The following TEX11 variants were observed in gnomAD, a reference collection of about 807,000 sequenced individuals.
TEX11 encodes testis expressed 11, also known as testis-expressed protein 11.
In TEX11, 7 loss-of-function variants were observed where a neutral mutation model predicts 84.4. The observed-to-expected ratio is 0.08, with a 90% CI of 0.05 to 0.16. TEX11 has a LOEUF of 0.16. Ranked by LOEUF, TEX11 falls within the 10% of genes least tolerant of loss-of-function variation. The probability of loss-of-function intolerance (pLI) is 1.00; values close to 1 mark genes in which losing one functional copy is unlikely to be tolerated. For synonymous variants in TEX11, 264 were observed against 222.8 expected, an observed-to-expected ratio of 1.18 and a Z score of -1.64; for missense variants, 551 against 660.5, an observed-to-expected ratio of 0.83 and a Z score of 1.82.
intron 9 of TEX11, among the ~76,000 whole-genome samples, chrX:70,751,853 G>C (rs1232518449): frequency 2.7e-5 from 3 of 111,606 alleles, no homozygotes; most frequent in African/African-American, 9.8e-5. Flanking sequence ...AAATAAACAG[G>C]GCTAGTAATT....
At chrX:70,598,502 ATCCTAGGTATATT>A (rs1569348099) in intron 24 of TEX11, among the ~76,000 whole-genome samples, 1 of 111,911 alleles carries the variant, frequency 8.9e-6, no homozygotes, top group Non-Finnish European at 1.9e-5. Flanking sequence ...AGCAATACCA[ATCCTAGGTATATT>A]TCATATTGAA....
intron 8 of TEX11, among the ~76,000 whole-genome samples, chrX:70,809,215 T>C (rs2091237923): frequency 8.9e-6 from 1 of 112,123 alleles, no homozygotes; most frequent in Non-Finnish European, 1.9e-5. Flanking sequence ...AAAAGAAGTT[T>C]ACATAATTAG....
chrX:70,842,496 C>A (rs2147842988), intron 7 of TEX11, among the ~76,000 whole-genome samples: 1 of 111,792 alleles, frequency 8.9e-6, no homozygotes, highest in African/African-American at 3.2e-5. Context: ...ATAATAAGAG[C>A]TATCTATGAC....
At chrX:70,819,560 A>T (rs1371858277) in intron 8 of TEX11, among the ~76,000 whole-genome samples, 1 of 111,343 alleles carries the variant, frequency 9.0e-6, no homozygotes, top group Non-Finnish European at 1.9e-5. Context: ...CTTCTATTCA[A>T]CATAGTACTA....
At chrX:70,902,127 G>T (rs181165301) in intron 2 of TEX11, among the ~76,000 whole-genome samples, 1 of 111,654 alleles carries the variant, frequency 9.0e-6, no homozygotes, top group East Asian at 2.8e-4. Context: ...GTGCATGCCT[G>T]TGATTCCCGG....
intron 2 of TEX11, among the ~76,000 whole-genome samples, chrX:70,902,585 G>A (rs190579252): frequency 3.1e-3 from 344 of 111,278 alleles, no homozygotes; most frequent in African/African-American, 0.011. Flanking sequence ...GCAGTGGTGC[G>A]ATCTCGGCTC....
chrX:70,773,539 C>T (rs2090984036), intron 9 of TEX11, among the ~76,000 whole-genome samples: 1 of 111,587 alleles, frequency 9.0e-6, no homozygotes, highest in Admixed American at 9.5e-5. Flanking sequence ...AAGAGAGTTC[C>T]TCAAGTTATT....
intron 20 of TEX11, among the ~76,000 whole-genome samples, chrX:70,621,168 G>A (rs1603152763): frequency 9.1e-6 from 1 of 109,928 alleles, no homozygotes; most frequent in Non-Finnish European, 1.9e-5. Context: ...GAGAGGGGAT[G>A]TATGGGAATC....
At chrX:70,713,122 C>T (rs1485690759) in intron 13 of TEX11, among the ~76,000 whole-genome samples, 5 of 111,035 alleles carry the variant, frequency 4.5e-5, no homozygotes, top group Middle Eastern at 4.3e-3. Context: ...GAACCAGCCT[C>T]GCATCCCAGG....
At chrX:70,645,139 T>C (rs1351811798) in intron 17 of TEX11, among the ~76,000 whole-genome samples, 1 of 110,244 alleles carries the variant, frequency 9.1e-6, no homozygotes, top group Non-Finnish European at 1.9e-5. Context: ...GGAGATTAAA[T>C]GAATAACAAA....
chrX:70,836,930 T>G (rs2091408711), intron 7 of TEX11, among the ~76,000 whole-genome samples: 1 of 110,883 alleles, frequency 9.0e-6, no homozygotes, highest in Non-Finnish European at 1.9e-5. Flanking sequence ...GGCAGGAGAA[T>G]CACTTGAGCC....
At chrX:70,672,368 T>C (rs1182412172) in intron 15 of TEX11, among the ~76,000 whole-genome samples, 1 of 111,969 alleles carries the variant, frequency 8.9e-6, no homozygotes, top group African/African-American at 3.2e-5. Context: ...CTTGAGTACA[T>C]ACATAGGATT....
intron 11 of TEX11, among the ~76,000 whole-genome samples, chrX:70,729,320 T>A (rs1440972681): frequency 2.7e-5 from 3 of 112,207 alleles, no homozygotes; most frequent in South Asian, 3.7e-4. Flanking sequence ...GAGAATGACT[T>A]TGACGAGTTG....
At chrX:70,828,639 G>T (rs1331355703) in intron 8 of TEX11, among the ~76,000 whole-genome samples, 1 of 111,497 alleles carries the variant, frequency 9.0e-6, no homozygotes, top group African/African-American at 3.3e-5. Flanking sequence ...TGGCCTTAAA[G>T]AGGAGGTAGG....
the TEX11 span, among the ~76,000 whole-genome samples, chrX:70,516,942 G>C: frequency 1.2e-4 from 13 of 111,559 alleles, no homozygotes; most frequent in Admixed American, 2.9e-4. Context: ...TGGTGTATAG[G>C]AATGCTTGTG....
downstream of TEX11, among the ~76,000 whole-genome samples, chrX:70,525,045 G>A (rs2087810337): frequency 9.0e-6 from 1 of 111,130 alleles, no homozygotes; most frequent in African/African-American, 3.3e-5. Flanking sequence ...GCTAATCATG[G>A]TGGTGCATGC....
intron 9 of TEX11, among the ~76,000 whole-genome samples, chrX:70,762,218 T>G (rs1461760858): frequency 8.9e-6 from 1 of 111,945 alleles, no homozygotes; most frequent in African/African-American, 3.2e-5. Flanking sequence ...CACTTGAAGA[T>G]ACAAAACTCA....
intron 13 of TEX11, among the ~76,000 whole-genome samples, chrX:70,692,135 C>T (rs1249670714): frequency 9.0e-6 from 1 of 111,316 alleles, no homozygotes; most frequent in Non-Finnish European, 1.9e-5. Flanking sequence ...ATACAATAAA[C>T]ACTGCACATG....
chrX:70,593,196 ATCAGGAAAAGAGTAATAAAGAACTC>A (rs2088959837), intron 24 of TEX11, among the ~76,000 whole-genome samples: 1 of 111,163 alleles, frequency 9.0e-6, no homozygotes, highest in African/African-American at 3.3e-5. Context: ...AAGAGGTCAG[ATCAGGAAAAGAGTAATAAAGAACTC>A]TCCTAAAATC....
Sources: gnomAD v4.1 joint callset for allele counts (sites outside exome capture counted in the v4.1 genomes callset) on GRCh38, gnomAD v4.1.1 for gene constraint, MANE v1.5 for transcripts, NCBI Gene and HGNC (gene_info 2026-07-23, HGNC 2026-07-21) for gene names.